The following CFAP52 variants were observed in gnomAD, a reference collection of about 807,000 sequenced individuals.
The protein encoded by CFAP52 is cilia and flagella associated protein 52, also known as cilia- and flagella-associated protein 52.
A neutral mutation model predicts 70.5 loss-of-function variants in CFAP52; 57 were observed. The ratio of observed to expected loss-of-function variants is 0.81; its 90% CI spans 0.65 to 1.01. The LOEUF (loss-of-function observed/expected upper bound fraction) is 1.01, where lower values mean the gene tolerates loss of function less well. Among genes scored for constraint, CFAP52 ranks in the 50% least tolerant of loss-of-function variants. The pLI is 0.00. For synonymous variants in CFAP52, 267 were observed against 292.5 expected, an observed-to-expected ratio of 0.91 and a Z score of 0.89; for missense variants, 785 against 788.5, an observed-to-expected ratio of 1.00 and a Z score of 0.05.
At chr17:9,604,494 G>A (rs928393084) in intron 6 of CFAP52, among the ~76,000 whole-genome samples, 1 of 152,076 alleles carries the variant, frequency 6.6e-6, no homozygotes, top group Non-Finnish European at 1.5e-5. Flanking sequence ...GCAGCCGGGC[G>A]CAGTGGCTTG....
At chr17:9,630,672 C>A (rs1293280615) in intron 9 of CFAP52, among the ~76,000 whole-genome samples, 1 of 150,926 alleles carries the variant, frequency 6.6e-6, no homozygotes, top group Admixed American at 6.6e-5. Flanking sequence ...CCTCGTGATC[C>A]GCCCGCCTCG....
intron 1 of CFAP52, chr17:9,584,161 T>C (rs1908343219): frequency 1.8e-5 from 22 of 1,193,662 alleles, no homozygotes; most frequent in Non-Finnish European, 2.3e-5. Flanking sequence ...GTCATTGTAT[T>C]TTCTTTTATT....
At chr17:9,637,988 A>T (rs1910884614) in intron 11 of CFAP52, among the ~76,000 whole-genome samples, 1 of 152,024 alleles carries the variant, frequency 6.6e-6, no homozygotes, top group South Asian at 2.1e-4. Context: ...CTTGGGAGGG[A>T]CTTCTTACCA....
intron 11 of CFAP52, 72 bp downstream of exon 11, chr17:9,635,628 G>C (rs748021031): frequency 1.9e-6 from 3 of 1,589,658 alleles, no homozygotes; most frequent in Non-Finnish European, 2.6e-6. Flanking sequence ...TATTGAACAT[G>C]AGAGAAGATT....
At chr17:9,622,358 G>A (rs2151945425) in intron 8 of CFAP52, among the ~76,000 whole-genome samples, 1 of 152,148 alleles carries the variant, frequency 6.6e-6, no homozygotes, top group Non-Finnish European at 1.5e-5. Context: ...GACTAGCTGG[G>A]CAAGATGGTG....
At chr17:9,631,552 A>G (rs1803172318) in intron 9 of CFAP52, among the ~76,000 whole-genome samples, 1 of 152,152 alleles carries the variant, frequency 6.6e-6, no homozygotes, top group African/African-American at 2.4e-5. Flanking sequence ...AAAGGCCCTC[A>G]GGAGGGAGAT....
chr17:9,579,764 C>T (rs570976206), intron 1 of CFAP52, among the ~76,000 whole-genome samples: 1 of 152,128 alleles, frequency 6.6e-6, no homozygotes, highest in South Asian at 2.1e-4. Context: ...CACGGTGTTT[C>T]GCCACGTTGG....
chr17:9,613,465 A>G (rs1268173961), intron 8 of CFAP52, among the ~76,000 whole-genome samples: 1 of 151,310 alleles, frequency 6.6e-6, no homozygotes, highest in East Asian at 1.9e-4. Context: ...TTCAGACCTC[A>G]GTTTTTGTTT....
chr17:9,621,427 A>T (rs1364128253), intron 8 of CFAP52, among the ~76,000 whole-genome samples: 140 of 48,252 alleles, frequency 2.9e-3, no homozygotes, highest in African/African-American at 4.1e-3. Flanking sequence ...TAGTTCAACC[A>T]TTGTGGAAGT....
chr17:9,612,370 C>G lies in CFAP52; in HGVS notation c.916C>G (p.Leu306Val). ...ITLRGEGHQF[L>V]VGTEESHIYR... ...ACTTCGAGGAGAAGGACACCAGTTT[C>G]TCGTAGGAACAGAAGAATCGCACAT... is the stretch of plus-strand genomic sequence containing the variant. The change falls in exon 8 of 14, where the codon CTC becomes GTC. Residue 306 changes from leucine (L) to valine (V), a missense_variant. By Grantham distance (32) the Leu-to-Val change is conservative (BLOSUM62 1). Coordinates refer to ENST00000352665, the MANE Select transcript of CFAP52 (RefSeq NM_145054.5). 6.2e-7 allele frequency: 1 copy of G among 1,614,200 alleles called. No individual in the cohort carries two copies. Among genetic ancestry groups the G allele is most frequent in the Non-Finnish European group, 8.5e-7 (1 of 1,180,036 alleles).
rs1391391436 is a variant in CFAP52, at chr17:9,591,224, AC to A, written c.408-2968del. Among the ~76,000 whole-genome samples, 5 of 6,938 alleles carry A rather than the reference AC, an allele frequency of 7.2e-4. No individual in the cohort carries two copies. The Non-Finnish European group carries it at 0.027, about 38-fold the overall frequency. The allele number at this position is 6,938 out of a possible 152,430, so 4.6% of individuals were successfully genotyped here. A position where few individuals can be genotyped will look rare whatever the true frequency, so the allele number is the denominator to read the frequency against. Reference sequence around the variant, plus strand: ...GGCTAATTTTGCATTTTTAGTAGAGACGGGGGTCTCTTCATGTTGGTCAGGC... The same window carrying A: ...GGCTAATTTTGCATTTTTAGTAGAGAGGGGGTCTCTTCATGTTGGTCAGGC... On this transcript the variant is annotated intron_variant, in intron 3 of 13. Transcript: ENST00000352665.
intron 1 of CFAP52, among the ~76,000 whole-genome samples, chr17:9,583,352 A>G (rs2151926364): frequency 6.6e-6 from 1 of 152,330 alleles, no homozygotes; most frequent in Non-Finnish European, 1.5e-5. Flanking sequence ...CAGGAATCAC[A>G]TAAAGCACCA....
intron 8 of CFAP52, among the ~76,000 whole-genome samples, chr17:9,617,124 C>T (rs1404610198): frequency 2.9e-5 from 2 of 69,692 alleles, no homozygotes; most frequent in Non-Finnish European, 4.6e-5. Context: ...GAATGTATAA[C>T]TAGAATAACC....
In CFAP52 at chr17:9,641,824, A is replaced by G. The variant is rs1301794277; in HGVS notation, c.1676A>G (p.His559Arg). ...NGMDITQEGVHFVTGGNDHLV... is the reference protein window; with the variant it reads ...NGMDITQEGVRFVTGGNDHLV... ...ATGGATATCACACAGGAAGGGGTGCACTTTGTCACAGGTTAGTCCTGGGAT... is the reference window on the plus strand; with the variant it reads ...ATGGATATCACACAGGAAGGGGTGCGCTTTGTCACAGGTTAGTCCTGGGAT... The change falls in exon 13 of 14, where the codon CAC becomes CGC. Residue 559 changes from histidine to arginine, a missense_variant. His to Arg is a conservative substitution (Grantham distance 29). Coordinates refer to ENST00000352665, the MANE Select transcript of CFAP52 (RefSeq NM_145054.5). 1 of 1,613,602 alleles carries G rather than the reference A, an allele frequency of 6.2e-7. No homozygotes were observed. The highest frequency in any genetic ancestry group is 1.3e-5 in the African/African-American group (1 of 74,920).
At chr17:9,627,327 T>C (rs920008334) in intron 8 of CFAP52, among the ~76,000 whole-genome samples, 1 of 152,104 alleles carries the variant, frequency 6.6e-6, no homozygotes, top group Admixed American at 6.6e-5. Context: ...CTGGCCAACA[T>C]GGTGAAACCC....
chr17:9,632,631 G>T (rs1017471154), intron 9 of CFAP52, among the ~76,000 whole-genome samples: 1 of 152,186 alleles, frequency 6.6e-6, no homozygotes, highest in Admixed American at 6.5e-5. Context: ...TGATGGATTG[G>T]ATGTTGGATT....
At chr17:9,587,613 A>T (rs141807222) in intron 3 of CFAP52, among the ~76,000 whole-genome samples, 2 of 152,236 alleles carry the variant, frequency 1.3e-5, no homozygotes, top group African/African-American at 4.8e-5. Context: ...GCATTTCTCT[A>T]ATGACCAGTG....
At chr17:9,591,339 G>A (rs1248723953) in intron 3 of CFAP52, among the ~76,000 whole-genome samples, 1 of 151,990 alleles carries the variant, frequency 6.6e-6, no homozygotes, top group Non-Finnish European at 1.5e-5. Flanking sequence ...CTCCCGGCCT[G>A]CATGTATCTT....
At chr17:9,615,801 T>C (rs1307144480) in intron 8 of CFAP52, among the ~76,000 whole-genome samples, 4 of 56,156 alleles carry the variant, frequency 7.1e-5, no homozygotes, top group Admixed American at 3.5e-4. Context: ...AATTCTTTTT[T>C]TTTTTTTTTT....
Sources: allele counts gnomAD v4.1 joint callset (sites outside exome capture counted in the v4.1 genomes callset), GRCh38; gene constraint gnomAD v4.1.1; transcripts MANE v1.5; gene names NCBI Gene and HGNC (gene_info 2026-07-23, HGNC 2026-07-21).